Variants in SRP54 observed in about 807,000 individuals in gnomAD.
The protein encoded by SRP54 is signal recognition particle subunit SRP54.
A neutral mutation model predicts 64.8 loss-of-function variants in SRP54; 10 were observed. The observed-to-expected ratio is 0.15, with a 90% CI of 0.10 to 0.26. The LOEUF (loss-of-function observed/expected upper bound fraction) is 0.26. Among genes scored for constraint, SRP54 ranks in the 10% least tolerant of loss-of-function variants. SRP54 has a pLI of 1.00. For missense variants in SRP54, 325 were observed against 613.7 expected (o/e 0.53, Z 4.97); for synonymous variants, 193 against 185.6 (o/e 1.04, Z -0.32).
chr14:35,026,500 C>G (rs2044627843), intron 14 of SRP54, among the ~76,000 whole-genome samples: 1 of 152,092 alleles, frequency 6.6e-6, no homozygotes, highest in South Asian at 2.1e-4. Flanking sequence ...ACCTGAAGTG[C>G]TGGGATTACA....
chr14:35,020,203 A>T (rs141226987), intron 13 of SRP54, among the ~76,000 whole-genome samples: 60 of 152,280 alleles, frequency 3.9e-4, no homozygotes, highest in African/African-American at 1.4e-3. Context: ...AAAATAAAAA[A>T]ATATAGTTTA....
At chr14:34,984,923 T>C (rs1230245968) in intron 1 of SRP54, among the ~76,000 whole-genome samples, 2 of 151,982 alleles carry the variant, frequency 1.3e-5, no homozygotes, top group East Asian at 3.8e-4. Context: ...TTTTTTTTTT[T>C]TCACTATGAC....
intron 1 of SRP54, among the ~76,000 whole-genome samples, chr14:34,995,718 G>A (rs940473754): frequency 1.3e-5 from 2 of 151,960 alleles, no homozygotes; most frequent in Non-Finnish European, 2.9e-5. Context: ...ACTATTTTTT[G>A]GAAGAACCAG....
intron 13 of SRP54, among the ~76,000 whole-genome samples, chr14:35,021,328 C>T (rs2044525874): frequency 6.6e-6 from 1 of 152,056 alleles, no homozygotes; most frequent in Non-Finnish European, 1.5e-5. Flanking sequence ...GACATGGTAG[C>T]TCTTATGCAT....
intron 1 of SRP54, among the ~76,000 whole-genome samples, chr14:34,985,783 A>C (rs2043885917): frequency 6.6e-6 from 1 of 152,214 alleles, no homozygotes; most frequent in Non-Finnish European, 1.5e-5. Context: ...CAGATTAAGA[A>C]TTTAGATGAA....
chr14:34,998,230 T>TA (rs1478641962), intron 2 of SRP54, among the ~76,000 whole-genome samples: 3 of 152,196 alleles, frequency 2.0e-5, no homozygotes, highest in Admixed American at 1.3e-4. Context: ...GCACCAGAGA[T>TA]ACAGCGGTGA....
intron 11 of SRP54, among the ~76,000 whole-genome samples, chr14:35,018,214 T>C (rs2044473903): frequency 6.6e-6 from 1 of 152,242 alleles, no homozygotes; most frequent in Non-Finnish European, 1.5e-5. Context: ...TTTGTTCTTT[T>C]TATTGCTGAA....
At chr14:35,022,383 G>T (rs2044545992) in intron 13 of SRP54, among the ~76,000 whole-genome samples, 1 of 151,058 alleles carries the variant, frequency 6.6e-6, no homozygotes, top group Non-Finnish European at 1.5e-5. Flanking sequence ...TTGAGATGGA[G>T]TCTCGCTCTG....
At chr14:35,022,718 G>A (rs1182696271) in intron 13 of SRP54, among the ~76,000 whole-genome samples, 192 bp from the exon 14 acceptor site, 1 of 152,114 alleles carries the variant, frequency 6.6e-6, no homozygotes, top group African/African-American at 2.4e-5. Flanking sequence ...TTAAATCTGG[G>A]TGGTAGTTTG....
chr14:35,000,254 C>T lies in SRP54; in HGVS notation c.170+605C>T, dbSNP rs368496385. Among the ~76,000 whole-genome samples the T allele has an allele frequency of 1.8e-4, 27 of 152,134 alleles. No individual in the cohort carries two copies. In the East Asian group the frequency reaches 2.9e-3, roughly 16 times the overall value. ...TAGACTGAGATTAGTTGTGGGACTA[C>T]CAGCATTTAAGCATTTAGACATAGA... On this transcript the variant is annotated intron_variant, in intron 3 of 15. Coordinates refer to ENST00000216774, the MANE Select transcript of SRP54 (RefSeq NM_003136.4).
rs1041129791 is a variant in SRP54, at chr14:35,005,092, G to A, written c.256-2191G>A. ...TATACCTGTAATCTCAGCACTTCAG[G>A]AGGCCAAGGCTGGAGGATTACTTGA... is the stretch of plus-strand genomic sequence containing the variant. On this transcript the variant is annotated intron_variant, in intron 4 of 15. Transcript: ENST00000216774. Among the ~76,000 whole-genome samples the A allele has an allele frequency of 2.0e-5, 3 of 152,296 alleles. No individual in the cohort carries two copies. The Middle Eastern group carries it at 0.01, about 518-fold the overall frequency.
intron 2 of SRP54, 140 bp from the exon 3 acceptor site, chr14:34,999,418 T>C (rs1359817481): frequency 5.6e-6 from 3 of 533,512 alleles, no homozygotes; most frequent in Non-Finnish European, 9.9e-6. Context: ...TTTAATAAAA[T>C]TATCTCTCCA....
intron 11 of SRP54, 181 bp from the exon 12 acceptor site, chr14:35,018,511 T>A: frequency 1.8e-6 from 1 of 569,868 alleles, no homozygotes; most frequent in East Asian, 3.0e-5. Flanking sequence ...TGTCTTTGTC[T>A]ATGTATTCTC....
At chr14:34,987,669 T>C (rs2043920640) in intron 1 of SRP54, among the ~76,000 whole-genome samples, 1 of 152,196 alleles carries the variant, frequency 6.6e-6, no homozygotes, top group Non-Finnish European at 1.5e-5. Flanking sequence ...ATTTTACTTA[T>C]CCGTTCATAA....
chr14:35,016,020 T>C (rs1238598412), intron 11 of SRP54, among the ~76,000 whole-genome samples: 3 of 152,186 alleles, frequency 2.0e-5, no homozygotes, highest in Non-Finnish European at 2.9e-5. Flanking sequence ...AACTTGGGTG[T>C]CATTATTATT....
rs544431921 is a variant in SRP54, at chr14:34,986,875, CA to C, written c.-34+3672del. Among the ~76,000 whole-genome samples the C allele has an allele frequency of 2.5e-3, 326 of 129,354 alleles. 3 individuals are homozygous for C. The highest frequency in any genetic ancestry group is 6.6e-3 in the African/African-American group (231 of 35,126). The allele number at this position is 129,354 out of a possible 152,430, so 84.9% of individuals were successfully genotyped here. On this transcript the variant is annotated intron_variant, in intron 1 of 15. Coordinates refer to ENST00000216774, the MANE Select transcript of SRP54 (RefSeq NM_003136.4). ...GTGGGCACAGAGTGAGACTCTGTCTCAAAAAAAAAAAATTGCTAGTTATTCA... is the reference window on the plus strand; with the variant it reads ...GTGGGCACAGAGTGAGACTCTGTCTCAAAAAAAAAAATTGCTAGTTATTCA...
intron 14 of SRP54, among the ~76,000 whole-genome samples, chr14:35,025,992 G>C (rs2044614442): frequency 6.6e-6 from 1 of 151,154 alleles, no homozygotes; most frequent in African/African-American, 2.4e-5. Flanking sequence ...GGAGGGCAAG[G>C]CTGCAGTGAG....
chr14:35,015,183 T>C (rs968657995), intron 11 of SRP54, among the ~76,000 whole-genome samples: 1 of 152,186 alleles, frequency 6.6e-6, no homozygotes, highest in Non-Finnish European at 1.5e-5. Flanking sequence ...TTCAAGTGAT[T>C]CTCCTGCCTC....
At chr14:34,991,116 T>C (rs1043608972) in intron 1 of SRP54, among the ~76,000 whole-genome samples, 4 of 128,706 alleles carry the variant, frequency 3.1e-5, no homozygotes, top group Admixed American at 2.4e-4. Flanking sequence ...TTTCTTTTTT[T>C]TTTTTTTTTT....
Sources: allele counts gnomAD v4.1 joint callset (sites outside exome capture counted in the v4.1 genomes callset), GRCh38; gene constraint gnomAD v4.1.1; transcripts MANE v1.5; gene names NCBI Gene and HGNC (gene_info 2026-07-23, HGNC 2026-07-21).